The following NELL2 variants were observed in gnomAD, a reference collection of about 807,000 sequenced individuals.
NELL2 encodes neural EGFL like 2.
NELL2 carries 41 observed loss-of-function variants against 109.6 expected under a neutral mutation model. The observed-to-expected ratio is 0.37, with a 90% CI of 0.29 to 0.49. The LOEUF (loss-of-function observed/expected upper bound fraction) is 0.49, where lower values mean the gene tolerates loss of function less well. NELL2 is among the 20% of genes least tolerant of loss of function. NELL2 has a pLI of 0.98. For missense variants in NELL2, 900 were observed against 1,008.3 expected (o/e 0.89, Z 1.45); for synonymous variants, 355 against 344.7 (o/e 1.03, Z -0.33).
intron 13 of NELL2, among the ~76,000 whole-genome samples, chr12:44,644,579 A>AGTATATATATATATATATATATATGT (rs1946988635): frequency 1.4e-5 from 1 of 70,088 alleles, no homozygotes; most frequent in Non-Finnish European, 2.6e-5. Context: ...GACAAAGTAA[A>AGTATATATATATATATATATATATGT]GTATATATAT....
At chr12:44,667,612 G>T (rs1947970871) in intron 12 of NELL2, among the ~76,000 whole-genome samples, 1 of 152,222 alleles carries the variant, frequency 6.6e-6, no homozygotes, top group African/African-American at 2.4e-5. Flanking sequence ...TACTAGAGGA[G>T]CCTGGTACTC....
intron 15 of NELL2, among the ~76,000 whole-genome samples, chr12:44,537,053 A>C (rs1003065436): frequency 1.3e-5 from 2 of 151,954 alleles, no homozygotes; most frequent in Non-Finnish European, 2.9e-5. Context: ...GAATAGAAAA[A>C]AAAAAACAAG....
At chr12:44,659,410 A>T (rs1252098119) in intron 13 of NELL2, among the ~76,000 whole-genome samples, 1 of 152,204 alleles carries the variant, frequency 6.6e-6, no homozygotes, top group South Asian at 2.1e-4. Context: ...TGAACAGGCA[A>T]CCTACAGAAT....
intron 16 of NELL2, among the ~76,000 whole-genome samples, chr12:44,525,188 G>C (rs1043542802): frequency 2.0e-5 from 3 of 152,170 alleles, no homozygotes; most frequent in Non-Finnish European, 4.4e-5. Context: ...TATTTTGCTT[G>C]ACACTTTAAA....
At chr12:44,720,440 T>C (rs1938707464) in intron 9 of NELL2, among the ~76,000 whole-genome samples, 1 of 152,162 alleles carries the variant, frequency 6.6e-6, no homozygotes, top group Admixed American at 6.5e-5. Flanking sequence ...AGCCTGTGTC[T>C]TACAGAAGGA....
At chr12:44,860,813 A>T (rs973175009) in intron 2 of NELL2, among the ~76,000 whole-genome samples, 2 of 152,234 alleles carry the variant, frequency 1.3e-5, no homozygotes, top group African/African-American at 2.4e-5. Flanking sequence ...GTATGTGGAC[A>T]GCTGACTCTC....
chr12:44,727,138 T>C (rs1214983180), intron 9 of NELL2, among the ~76,000 whole-genome samples: 2 of 152,158 alleles, frequency 1.3e-5, no homozygotes, highest in Admixed American at 1.3e-4. Flanking sequence ...AGCAAGATTA[T>C]AGATCAGTAA....
At chr12:44,876,878 G>A, upstream of NELL2, 2 of 1,291,740 alleles carry the variant, frequency 1.5e-6, no homozygotes, top group Non-Finnish European at 2.0e-6. Flanking sequence ...GCGAGCCTGG[G>A]AAGCCCCGGG....
chr12:44,813,167 T>C (rs188593639), intron 3 of NELL2, among the ~76,000 whole-genome samples: 44 of 152,296 alleles, frequency 2.9e-4, no homozygotes, highest in African/African-American at 1.0e-3. Context: ...CTGGAATATA[T>C]GCTGTCCATC....
rs184057252 is a variant in NELL2 at position 44,554,080 on chromosome 12, G to A, written c.1664-21359C>T. Among the ~76,000 whole-genome samples, 42 of 152,114 alleles carry A rather than the reference G, an allele frequency of 2.8e-4. No individual in the cohort carries two copies. In the South Asian group the frequency reaches 3.5e-3, roughly 13 times the overall value. ...CTACCTTATGCTGGCAGTTGCTACCGGCATATTACTATATTATCATGAGGA... is the reference window on the plus strand; with the variant it reads ...CTACCTTATGCTGGCAGTTGCTACCAGCATATTACTATATTATCATGAGGA... On this transcript the variant is annotated intron_variant, in intron 15 of 19. Coordinates refer to ENST00000429094, the MANE Select transcript of NELL2 (RefSeq NM_001145108.2).
At chr12:44,601,269 C>T (rs577705196) in intron 15 of NELL2, among the ~76,000 whole-genome samples, 51 of 152,092 alleles carry the variant, frequency 3.4e-4, no homozygotes, top group African/African-American at 9.2e-4. Context: ...CTATTATACA[C>T]GACTGATATA....
At chr12:44,858,545 T>C (rs1455767141) in intron 2 of NELL2, among the ~76,000 whole-genome samples, 1 of 152,240 alleles carries the variant, frequency 6.6e-6, no homozygotes, top group African/African-American at 2.4e-5. Flanking sequence ...TATACTTTTT[T>C]CTTCCCCAAC....
chr12:44,613,035 C>T (rs1592206832), intron 13 of NELL2, among the ~76,000 whole-genome samples: 1 of 152,120 alleles, frequency 6.6e-6, no homozygotes, highest in South Asian at 2.1e-4. Context: ...GCTTTAAATG[C>T]ATCCATGCCT....
rs547638170 is a variant in NELL2, at chr12:44,751,043, C to G, written c.994+23704G>C. Among the ~76,000 whole-genome samples the G allele has an allele frequency of 4.6e-4, 70 of 152,194 alleles. 1 individual carries two copies. The South Asian group carries it at 0.014, about 30-fold the overall frequency. Reference sequence around the variant, plus strand: ...ATAAAGCTTCTAAAAGGACCTCACACAGAAGATTAAATTACCACAGAATTT... The same window carrying G: ...ATAAAGCTTCTAAAAGGACCTCACAGAGAAGATTAAATTACCACAGAATTT... On this transcript the variant is annotated intron_variant, in intron 9 of 19. Transcript: ENST00000429094.
chr12:44,627,986 A>G (rs778964344), intron 13 of NELL2, among the ~76,000 whole-genome samples: 1 of 152,220 alleles, frequency 6.6e-6, no homozygotes, highest in Non-Finnish European at 1.5e-5. Context: ...TTGGATTCAC[A>G]TGTTCTAACA....
chr12:44,841,539 T>C (rs182036986), intron 2 of NELL2, among the ~76,000 whole-genome samples: 1 of 152,332 alleles, frequency 6.6e-6, no homozygotes, highest in Admixed American at 6.5e-5. Flanking sequence ...GAACTCTGGC[T>C]TTCTACCTAG....
chr12:44,567,376 T>G (rs533294890), intron 15 of NELL2, among the ~76,000 whole-genome samples: 1 of 152,180 alleles, frequency 6.6e-6, no homozygotes, highest in Admixed American at 6.5e-5. Context: ...ATACATATAC[T>G]TAACCTAGTT....
intron 9 of NELL2, among the ~76,000 whole-genome samples, chr12:44,742,151 C>T (rs945057758): frequency 6.6e-5 from 10 of 152,098 alleles, no homozygotes; most frequent in African/African-American, 2.2e-4. Context: ...TTGCGGTTCA[C>T]CAATATCCGC....
chr12:44,546,709 T>C (rs1942808894), intron 15 of NELL2, among the ~76,000 whole-genome samples: 1 of 152,200 alleles, frequency 6.6e-6, no homozygotes, highest in South Asian at 2.1e-4. Context: ...TATTTTTTCA[T>C]GATCAATCAG....
Sources: allele counts gnomAD v4.1 joint callset (sites outside exome capture counted in the v4.1 genomes callset), GRCh38; gene constraint gnomAD v4.1.1; transcripts MANE v1.5; gene names NCBI Gene and HGNC (gene_info 2026-07-23, HGNC 2026-07-21).